The following ETS1 variants were observed in gnomAD, a reference collection of about 807,000 sequenced individuals.
The protein encoded by ETS1 is protein C-ets-1.
ETS1 carries 15 observed loss-of-function variants against 58.6 expected under a neutral mutation model. The ratio of observed to expected loss-of-function variants is 0.26; its 90% CI spans 0.17 to 0.39. ETS1 has a LOEUF of 0.39. Among genes scored for constraint, ETS1 ranks in the 10% least tolerant of loss-of-function variants. The pLI is 1.00. For missense variants in ETS1, 417 were observed against 610.5 expected (o/e 0.68, Z 3.34); for synonymous variants, 214 against 218.2 (o/e 0.98, Z 0.17).
chr11:128,534,626 T>C (rs1226143552), intron 3 of ETS1, among the ~76,000 whole-genome samples: 1 of 152,184 alleles, frequency 6.6e-6, no homozygotes, highest in Non-Finnish European at 1.5e-5. Flanking sequence ...TCTCCCTGTG[T>C]CCACGTGTTC....
intron 3 of ETS1, chr11:128,526,233 CA>C: frequency 6.6e-6 from 1 of 152,350 alleles, no homozygotes; most frequent in East Asian, 1.9e-4. Context: ...TATAAGAAAA[CA>C]AAGAGGATAG....
At chr11:128,538,674 T>C (rs767271131) in intron 3 of ETS1, among the ~76,000 whole-genome samples, 3 of 152,166 alleles carry the variant, frequency 2.0e-5, no homozygotes, top group Non-Finnish European at 4.4e-5. Flanking sequence ...GTAAAATATA[T>C]GGCAGTGCCT....
rs1861954052 is a variant in ETS1, at chr11:128,463,419, G to A, written c.1242+90C>T. 5.2e-6 allele frequency: 4 copies of A among 773,324 alleles called. No individual in the cohort carries two copies. Among genetic ancestry groups the A allele is most frequent in the Middle Eastern group, 3.4e-4 (1 of 2,940 alleles). 47.9% of individuals were successfully genotyped at this position (773,324 alleles called of 1,614,324 possible). ...TGGCAGAGCTGGGAATCCCAATCCT[G>A]GAACACGTCATTCAGGCCCACGCCA... On this transcript the variant is annotated intron_variant, in intron 9 of 9. Transcript: ENST00000392668. This position sits in a 1 kb window ranked among gnomAD's most constrained non-coding sequence, Gnocchi z 4.1.
intron 8 of ETS1, among the ~76,000 whole-genome samples, chr11:128,466,503 G>A (rs748485750): frequency 7.2e-5 from 11 of 152,184 alleles, no homozygotes; most frequent in Non-Finnish European, 1.6e-4. Flanking sequence ...CCCAGAGGAC[G>A]AACCCTCTGA....
At chr11:128,578,988 C>T (rs993282421) in intron 1 of ETS1, among the ~76,000 whole-genome samples, 3 of 152,174 alleles carry the variant, frequency 2.0e-5, no homozygotes, top group Non-Finnish European at 4.4e-5. Context: ...AGAAAATATG[C>T]ATTCCATATT....
intron 8 of ETS1, among the ~76,000 whole-genome samples, chr11:128,468,835 A>G (rs566521942): frequency 6.6e-6 from 1 of 152,212 alleles, no homozygotes; most frequent in African/African-American, 2.4e-5. Flanking sequence ...CCTCACCAAC[A>G]AACACCAACA....
At chr11:128,488,208 G>A (rs191093000) in intron 5 of ETS1, among the ~76,000 whole-genome samples, 9 of 152,272 alleles carry the variant, frequency 5.9e-5, no homozygotes, top group Non-Finnish European at 5.9e-5. Context: ...AGAACATGCC[G>A]GTGCTTTGCA....
chr11:128,563,920 G>T (rs1197902838), intron 2 of ETS1, among the ~76,000 whole-genome samples: 1 of 152,102 alleles, frequency 6.6e-6, no homozygotes, highest in Non-Finnish European at 1.5e-5. Flanking sequence ...CTTCCTCCTG[G>T]TTGCATGTAG....
intron 2 of ETS1, among the ~76,000 whole-genome samples, chr11:128,568,076 A>C (rs763138115): frequency 1.3e-4 from 20 of 152,192 alleles, no homozygotes; most frequent in Non-Finnish European, 2.4e-4. Context: ...CCTGAGGTGG[A>C]GCACAGTGGG....
At chr11:128,478,711 T>C (rs1291061226) in intron 8 of ETS1, among the ~76,000 whole-genome samples, 1 of 152,196 alleles carries the variant, frequency 6.6e-6, no homozygotes, top group African/African-American at 2.4e-5. Context: ...AACTGCAGTC[T>C]AGTTCTTTAA....
intron 3 of ETS1, among the ~76,000 whole-genome samples, chr11:128,528,089 C>A (rs762496903): frequency 2.0e-5 from 3 of 152,056 alleles, no homozygotes; most frequent in Non-Finnish European, 4.4e-5. Context: ...AAGTGTAAGT[C>A]GAGGACAGAG....
intron 5 of ETS1, among the ~76,000 whole-genome samples, chr11:128,486,774 A>C (rs1014737119): frequency 6.6e-6 from 1 of 152,066 alleles, no homozygotes; most frequent in Admixed American, 6.5e-5. Context: ...CCAGATGCCA[A>C]CTCCCCTAGG....
intron 5 of ETS1, among the ~76,000 whole-genome samples, chr11:128,487,242 C>T (rs1465506874): frequency 6.6e-6 from 1 of 152,208 alleles, no homozygotes; most frequent in African/African-American, 2.4e-5. Flanking sequence ...AGAATTCTTT[C>T]TGCCTCTCTC....
In ETS1 at chr11:128,462,108, C is replaced by T. The variant is rs1591584336; in HGVS notation, c.*253G>A. On this transcript the variant is annotated 3_prime_UTR_variant, in exon 10 of 10. Coordinates refer to ENST00000392668, the MANE Select transcript of ETS1 (RefSeq NM_001143820.2). ...CTGTTAAGCCAGAGCCTTCAAGCTT[C>T]TGAGAAGGCCCTTCTCCCTCTCCTG... The T allele has an allele frequency of 1.6e-5, 8 of 488,052 alleles. No homozygotes were observed. The East Asian group carries it at 2.5e-4, about 16-fold the overall frequency. The allele number at this position is 488,052 out of a possible 1,614,324, so 30.2% of individuals were successfully genotyped here.
At chr11:128,489,184 A>G in intron 5 of ETS1, 106 bp downstream of exon 5, 2 of 892,344 alleles carry the variant, frequency 2.2e-6, no homozygotes, top group Non-Finnish European at 3.7e-6. Context: ...CTACAGTAGG[A>G]CACCCACAGA....
At chr11:128,481,866 G>C (rs1195879768) in intron 7 of ETS1, among the ~76,000 whole-genome samples, 1 of 152,176 alleles carries the variant, frequency 6.6e-6, no homozygotes, top group African/African-American at 2.4e-5. Context: ...TCGGTTGAGT[G>C]TGTACTTTTT....
At position 128,556,329 on chromosome 11, in the gene ETS1, G is replaced by A; in HGVS notation, c.176C>T (p.Thr59Ile). 6.2e-7 allele frequency: 1 copy of A among 1,613,556 alleles called. No homozygotes were observed. The highest frequency in any genetic ancestry group is 8.5e-7 in the Non-Finnish European group (1 of 1,179,664). ...PCYPFWDEMA[T>I]QEVPTGLEHC... The stretch of plus-strand genomic sequence containing the variant: ...TTCAAGACCAGTAGGAACTTCCTGA[G>A]TTGCCATCTCATCCCAAAAGGGGTA... Residue 59 changes from threonine to isoleucine, a missense_variant, in exon 3 of 10, where the codon ACT becomes ATT. This residue lies in a region of ETS1 where 90 missense variants were observed against 90.3 expected (regional missense o/e 1.00). Coordinates refer to ENST00000392668, the MANE Select transcript of ETS1 (RefSeq NM_001143820.2).
At chr11:128,553,161 A>G (rs528588026) in intron 3 of ETS1, among the ~76,000 whole-genome samples, 1 of 152,360 alleles carries the variant, frequency 6.6e-6, no homozygotes, top group East Asian at 1.9e-4. Flanking sequence ...TCATTCATGC[A>G]GAACACCAGC....
At chr11:128,465,306 A>C (rs1862005087) in intron 8 of ETS1, among the ~76,000 whole-genome samples, 1 of 152,260 alleles carries the variant, frequency 6.6e-6, no homozygotes, top group Non-Finnish European at 1.5e-5. Flanking sequence ...GAATGCCTAT[A>C]AAATAAAGTA....
Sources: allele counts gnomAD v4.1 joint callset (sites outside exome capture counted in the v4.1 genomes callset), GRCh38; gene constraint gnomAD v4.1.1; regional missense constraint gnomAD v4.1.1; non-coding constraint Gnocchi (gnomAD v3.1); transcripts MANE v1.5; gene names NCBI Gene and HGNC (gene_info 2026-07-23, HGNC 2026-07-21).